The following ABCC1 variants were observed in gnomAD, a reference collection of about 807,000 sequenced individuals.
ABCC1 encodes the protein multidrug resistance-associated protein 1.
Under a neutral mutation model 172.9 loss-of-function variants are expected in ABCC1, and 83 were observed. The observed-to-expected ratio is 0.48, with a 90% CI of 0.40 to 0.58. ABCC1 has a LOEUF of 0.58. Ranked by LOEUF, ABCC1 falls within the 20% of genes least tolerant of loss-of-function variation. The pLI is 0.00. For missense variants in ABCC1, 1,817 were observed against 2,002.7 expected, an observed-to-expected ratio of 0.91 and a Z score of 1.77; for synonymous variants, 937 against 825.2, an observed-to-expected ratio of 1.14 and a Z score of -2.32.
chr16:16,082,987 T>TC (rs1442807796), intron 16 of ABCC1, among the ~76,000 whole-genome samples: 1 of 152,180 alleles, frequency 6.6e-6, no homozygotes, highest in Non-Finnish European at 1.5e-5. Flanking sequence ...CTTTTTATCT[T>TC]TGCGTCCACC....
intron 27 of ABCC1, among the ~76,000 whole-genome samples, chr16:16,133,340 G>A (rs1430042355): frequency 6.6e-6 from 1 of 152,084 alleles, no homozygotes; most frequent in Non-Finnish European, 1.5e-5. Context: ...GAGTTACAGA[G>A]AAGAGCAGAG....
At chr16:15,955,104 C>T (rs1429114918) in intron 1 of ABCC1, among the ~76,000 whole-genome samples, 1 of 152,180 alleles carries the variant, frequency 6.6e-6, no homozygotes, top group Non-Finnish European at 1.5e-5. Context: ...GCCTGTAATC[C>T]TGGCACTTCG....
chr16:15,993,732 A>T (rs1228137672), intron 1 of ABCC1, among the ~76,000 whole-genome samples: 1 of 104,320 alleles, frequency 9.6e-6, no homozygotes, highest in Admixed American at 1.6e-4. Context: ...GTTAACCACT[A>T]CCCTGCACTG....
rs41410450 is a variant in ABCC1 at position 16,114,859 on chromosome 16, G to A, written c.3173G>A (p.Arg1058Gln). ...GTGGACCTGCTGCACAGCATCCTGC[G>A]GTCACCCATGAGCTTCTTTGAGCGG... ...LHVDLLHSILRSPMSFFERTP... is the reference protein window; with the variant it reads ...LHVDLLHSILQSPMSFFERTP... Residue 1058 changes from arginine (R) to glutamine (Q), a missense_variant, in exon 23 of 31, where the codon CGG becomes CAG. Coordinates refer to ENST00000399410, the MANE Select transcript of ABCC1 (RefSeq NM_004996.4). 48 of 1,613,852 alleles carry A rather than the reference G, an allele frequency of 3.0e-5. No individual in the cohort carries two copies. The East Asian group carries it at 7.4e-4, about 25-fold the overall frequency.
rs1281717326 is a variant in ABCC1, at chr16:16,110,122, T to C, written c.2872-1253T>C. On this transcript the variant is annotated intron_variant, in intron 21 of 30. Coordinates refer to ENST00000399410, the MANE Select transcript of ABCC1 (RefSeq NM_004996.4). ...TAACTCCTTTTTTTTTTTTTCCCCC[T>C]GGAGGCAATGTCTCCCTCTGTCACC... 2.7e-5 allele frequency among the ~76,000 whole-genome samples: 4 copies of C among 148,420 alleles called. No individual in the cohort carries two copies. In the South Asian group the frequency reaches 6.5e-4, roughly 24 times the overall value.
At chr16:15,979,373 G>A (rs1476058039) in intron 1 of ABCC1, among the ~76,000 whole-genome samples, 1 of 152,076 alleles carries the variant, frequency 6.6e-6, no homozygotes, top group Admixed American at 6.5e-5. Flanking sequence ...CGCTCTTCCT[G>A]AGATGATAAA....
intron 13 of ABCC1, among the ~76,000 whole-genome samples, chr16:16,070,276 A>T (rs1402801402): frequency 1.3e-5 from 2 of 151,514 alleles, no homozygotes; most frequent in Non-Finnish European, 2.9e-5. Flanking sequence ...GCTGAGGCAG[A>T]AGGATCGCTT....
intron 6 of ABCC1, 90 bp downstream of exon 6, chr16:16,033,260 C>A: frequency 7.9e-7 from 1 of 1,267,872 alleles, no homozygotes; most frequent in Non-Finnish European, 1.1e-6. Flanking sequence ...TCCCCCTCCC[C>A]AACTTCTCCC....
At chr16:16,016,195 A>G (rs1347704186) in intron 4 of ABCC1, among the ~76,000 whole-genome samples, 3 of 126,268 alleles carry the variant, frequency 2.4e-5, no homozygotes, top group African/African-American at 9.1e-5. Flanking sequence ...GCTCTGTCAC[A>G]CAGGCTGGAA....
At chr16:16,131,398 C>T (rs1285761824) in intron 26 of ABCC1, among the ~76,000 whole-genome samples, 1 of 152,156 alleles carries the variant, frequency 6.6e-6, no homozygotes, top group East Asian at 1.9e-4. Flanking sequence ...GTGTGTTGAA[C>T]ACCTACTATG....
At chr16:15,970,175 G>T (rs954164193) in intron 1 of ABCC1, among the ~76,000 whole-genome samples, 1 of 152,192 alleles carries the variant, frequency 6.6e-6, no homozygotes, top group Non-Finnish European at 1.5e-5. Context: ...AAAAATCCCA[G>T]CTGGTGTGGC....
intron 26 of ABCC1, among the ~76,000 whole-genome samples, chr16:16,129,798 T>G (rs1451577858): frequency 6.6e-6 from 1 of 152,060 alleles, no homozygotes; most frequent in South Asian, 2.1e-4. Context: ...TCGGCCTCCC[T>G]AAGTGCTGGG....
At chr16:15,977,428 G>A (rs766766652) in intron 1 of ABCC1, among the ~76,000 whole-genome samples, 55 of 151,972 alleles carry the variant, frequency 3.6e-4, no homozygotes, top group Middle Eastern at 3.2e-3. Flanking sequence ...AACAGAGATG[G>A]GGTCTCACTG....
At position 16,053,974 on chromosome 16, in the gene ABCC1, G is replaced by GT. The variant is rs75995062; in HGVS notation, c.1473+1169dup. Among the ~76,000 whole-genome samples, 463 of 144,002 alleles carry GT rather than the reference G, an allele frequency of 3.2e-3. 1 individual carries two copies. The highest frequency in any genetic ancestry group is 5.1e-3 in the African/African-American group (201 of 39,690). 94.5% of individuals were successfully genotyped at this position (144,002 alleles called of 152,430 possible). On this transcript the variant is annotated intron_variant, in intron 11 of 30. Transcript: ENST00000399410. ...GTTTGGTTTGTTTTTATATATGTGG[G>GT]TTTTTTTTTTTGTTTGTGGAGATGG...
intron 3 of ABCC1, among the ~76,000 whole-genome samples, chr16:16,011,736 C>A (rs1263497923): frequency 6.6e-6 from 1 of 151,834 alleles, no homozygotes; most frequent in Admixed American, 6.6e-5. Flanking sequence ...ATGGTGTGAT[C>A]TTGAGTTGCC....
intron 2 of ABCC1, 42 bp from the exon 3 acceptor site, chr16:16,009,734 C>T (rs778616854): frequency 1.9e-6 from 3 of 1,540,748 alleles, no homozygotes; most frequent in Non-Finnish European, 2.6e-6. Context: ...GGGGAGGTTC[C>T]AGGGCGGTCT....
At chr16:15,958,113 A>G (rs369336381) in intron 1 of ABCC1, among the ~76,000 whole-genome samples, 1 of 151,458 alleles carries the variant, frequency 6.6e-6, no homozygotes, top group Non-Finnish European at 1.5e-5. Flanking sequence ...TTTATTTTAT[A>G]TTATTTTTTT....
chr16:15,953,049 A>C (rs1300996888), intron 1 of ABCC1, among the ~76,000 whole-genome samples: 1 of 151,072 alleles, frequency 6.6e-6, no homozygotes, highest in East Asian at 1.9e-4. Context: ...TCTCAAAAAA[A>C]AGAGGGCCGG....
At chr16:16,010,036 C>CTTTTT (rs1567309769) in intron 3 of ABCC1, 135 bp downstream of exon 3, 1 of 116,696 alleles carries the variant, frequency 8.6e-6, no homozygotes, top group Non-Finnish European at 1.3e-5. Flanking sequence ...TTAAATGTAG[C>CTTTTT]CTTTTTTTTT....
Sources: gnomAD v4.1 joint callset for allele counts (sites outside exome capture counted in the v4.1 genomes callset) on GRCh38, gnomAD v4.1.1 for gene constraint, MANE v1.5 for transcripts, NCBI Gene and HGNC (gene_info 2026-07-23, HGNC 2026-07-21) for gene names.